ZMYM4: variants seen among roughly 807,000 people sequenced by gnomAD.
ZMYM4 encodes zinc finger MYM-type containing 4, also known as zinc finger MYM-type protein 4.
A neutral mutation model predicts 183.2 loss-of-function variants in ZMYM4; 31 were observed. The observed-to-expected ratio is 0.17, with a 90% CI of 0.13 to 0.23. The LOEUF (loss-of-function observed/expected upper bound fraction) is 0.23. Ranked by LOEUF, ZMYM4 falls within the 10% of genes least tolerant of loss-of-function variation. ZMYM4 has a pLI of 1.00. For synonymous variants in ZMYM4, 592 were observed against 631.2 expected, an observed-to-expected ratio of 0.94 and a Z score of 0.93; for missense variants, 1,273 against 1,840.3, an observed-to-expected ratio of 0.69 and a Z score of 5.64.
At chr1:35,401,127 CTT>C (rs1174119392) in intron 23 of ZMYM4, among the ~76,000 whole-genome samples, 5 of 152,118 alleles carry the variant, frequency 3.3e-5, no homozygotes, top group African/African-American at 1.2e-4. Context: ...TTTCATTTCT[CTT>C]GAGGAAAAAG....
At chr1:35,284,870 A>G (rs527636142) in intron 1 of ZMYM4, among the ~76,000 whole-genome samples, 1 of 152,322 alleles carries the variant, frequency 6.6e-6, no homozygotes, top group East Asian at 1.9e-4. Context: ...CACTCTCACT[A>G]CCTCATCTAG....
At chr1:35,408,275 A>T (rs1558190029) in intron 26 of ZMYM4, 116 bp downstream of exon 26, 4 of 1,289,162 alleles carry the variant, frequency 3.1e-6, no homozygotes, top group South Asian at 1.5e-5. Flanking sequence ...TTTTCATTGG[A>T]ACATTGTTTT....
intron 1 of ZMYM4, among the ~76,000 whole-genome samples, chr1:35,300,142 G>A (rs767119041): frequency 6.6e-6 from 1 of 152,134 alleles, no homozygotes; most frequent in Non-Finnish European, 1.5e-5. Flanking sequence ...AAAGAGTGGG[G>A]TTTGCAAAGG....
intron 5 of ZMYM4, among the ~76,000 whole-genome samples, chr1:35,365,578 G>GT (rs1238600058): frequency 6.6e-6 from 1 of 152,132 alleles, no homozygotes; most frequent in Non-Finnish European, 1.5e-5. Flanking sequence ...TAATTCAAAT[G>GT]TTGGGGCTCT....
At chr1:35,379,432 C>T (rs1644403409) in intron 7 of ZMYM4, among the ~76,000 whole-genome samples, 1 of 152,080 alleles carries the variant, frequency 6.6e-6, no homozygotes, top group Non-Finnish European at 1.5e-5. Context: ...GTCGTGGTTT[C>T]ACCATGTTGG....
chr1:35,351,259 C>T, intron 2 of ZMYM4: 2 of 1,576,042 alleles, frequency 1.3e-6, no homozygotes, highest in East Asian at 2.2e-5. Flanking sequence ...AAACGATTCC[C>T]TGGTTATGAT....
chr1:35,291,512 TTC>T (rs975658939), intron 1 of ZMYM4, among the ~76,000 whole-genome samples: 34 of 152,238 alleles, frequency 2.2e-4, no homozygotes, highest in Non-Finnish European at 4.6e-4. Context: ...TTTTATTTTT[TTC>T]TGTCTCCAGA....
chr1:35,282,263 C>T (rs1351124475), intron 1 of ZMYM4, among the ~76,000 whole-genome samples: 2 of 152,174 alleles, frequency 1.3e-5, no homozygotes, highest in African/African-American at 4.8e-5. Flanking sequence ...GGACACTGCC[C>T]TAATGAGTTG....
intron 18 of ZMYM4, among the ~76,000 whole-genome samples, chr1:35,395,198 CTTT>C (rs200080316): frequency 4.5e-5 from 6 of 132,762 alleles, no homozygotes; most frequent in Non-Finnish European, 3.4e-5. Flanking sequence ...TGATTTAGTT[CTTT>C]TTTTTTTTTT....
chr1:35,293,245 T>G (rs1640848409), intron 1 of ZMYM4, among the ~76,000 whole-genome samples: 1 of 151,982 alleles, frequency 6.6e-6, no homozygotes, highest in Non-Finnish European at 1.5e-5. Context: ...GCTCAAATGA[T>G]CCTCCTGCCT....
At chr1:35,382,268 AT>A (rs946414244) in intron 9 of ZMYM4, among the ~76,000 whole-genome samples, 18 of 150,766 alleles carry the variant, frequency 1.2e-4, no homozygotes, top group Non-Finnish European at 2.4e-4. Context: ...ATGTATGTGT[AT>A]ATATATGTAT....
At chr1:35,409,143 A>G (rs369383943) in intron 26 of ZMYM4, among the ~76,000 whole-genome samples, 8 of 152,370 alleles carry the variant, frequency 5.3e-5, no homozygotes, top group Non-Finnish European at 8.8e-5. Context: ...ATAATATTCT[A>G]TCATATGGAT....
chr1:35,399,589 T>G lies in ZMYM4; in HGVS notation c.3528+13T>G. The stretch of plus-strand genomic sequence containing the variant: ...ACCCAGACGAAGAGTAAGCTGCAGC[T>G]TAACTTTTCTAGACTTTTCTTTCCT... On this transcript the variant is annotated intron_variant, in intron 23 of 29. Coordinates refer to ENST00000314607, the MANE Select transcript of ZMYM4 (RefSeq NM_005095.3). 1 of 1,613,850 alleles carries G rather than the reference T, an allele frequency of 6.2e-7. No homozygotes were observed.
At chr1:35,319,585 T>C (rs1570344053) in intron 1 of ZMYM4, among the ~76,000 whole-genome samples, 1 of 152,192 alleles carries the variant, frequency 6.6e-6, no homozygotes, top group African/African-American at 2.4e-5. Context: ...ATCATGTTAC[T>C]GCATTCCAGC....
Position 35,405,084 on chromosome 1 carries a change from G to T in ZMYM4, c.3590G>T (p.Gly1197Val). The change falls in exon 24 of 30, where the codon GGC (glycine) becomes GTC (valine). Residue 1197 changes from glycine to valine, a missense_variant. Coordinates refer to ENST00000314607, the MANE Select transcript of ZMYM4 (RefSeq NM_005095.3). ...AGTCTTATTCAAGGAGCCTTTCAAG[G>T]CTGCTCAGTGTCCGGGATGACACTG... The part of the protein sequence containing the change: ...PRSLIQGAFQ[G>V]CSVSGMTLKY... 1 of 1,614,064 alleles carries T rather than the reference G, an allele frequency of 6.2e-7. No individual in the cohort carries two copies. Among genetic ancestry groups the T allele is most frequent in the Admixed American group, 1.7e-5 (1 of 60,018 alleles).
At chr1:35,336,782 C>T (rs1471799950) in intron 2 of ZMYM4, among the ~76,000 whole-genome samples, 1 of 152,138 alleles carries the variant, frequency 6.6e-6, no homozygotes, top group Admixed American at 6.5e-5. Context: ...TGTGTCCCCA[C>T]CCAAATCTCA....
chr1:35,382,181 TACACACACACACAC>T (rs59402643), intron 9 of ZMYM4, among the ~76,000 whole-genome samples: 20 of 133,544 alleles, frequency 1.5e-4, no homozygotes, highest in African/African-American at 5.1e-4. Context: ...TATACACACA[TACACACACACACAC>T]ACACACACAC....
chr1:35,342,424 G>T (rs1420790757), intron 2 of ZMYM4, among the ~76,000 whole-genome samples: 1 of 152,024 alleles, frequency 6.6e-6, no homozygotes, highest in Admixed American at 6.5e-5. Flanking sequence ...GCCTCCCAAA[G>T]TTCTGGGATT....
chr1:35,296,275 G>C (rs1342948719), intron 1 of ZMYM4, among the ~76,000 whole-genome samples: 1 of 152,126 alleles, frequency 6.6e-6, no homozygotes, highest in Non-Finnish European at 1.5e-5. Context: ...GATAATGCCA[G>C]GGAAATCTAC....
Sources: allele counts gnomAD v4.1 joint callset (sites outside exome capture counted in the v4.1 genomes callset), GRCh38; gene constraint gnomAD v4.1.1; transcripts MANE v1.5; gene names NCBI Gene and HGNC (gene_info 2026-07-23, HGNC 2026-07-21).